PPFIA2: variants seen among roughly 807,000 people sequenced by gnomAD.
PPFIA2 encodes the protein liprin-alpha-2.
In PPFIA2, 46 loss-of-function variants were observed where a neutral mutation model predicts 175.5. The ratio of observed to expected loss-of-function variants is 0.26; its 90% CI spans 0.21 to 0.34. PPFIA2 has a LOEUF of 0.34. Ranked by LOEUF, PPFIA2 falls within the 10% of genes least tolerant of loss-of-function variation. The pLI is 1.00. For missense variants in PPFIA2, 1,179 were observed against 1,506.1 expected (o/e 0.78, Z 3.60); for synonymous variants, 568 against 511.4 (o/e 1.11, Z -1.49).
At chr12:81,475,781 C>A (rs1048192460) in intron 4 of PPFIA2, among the ~76,000 whole-genome samples, 2 of 152,158 alleles carry the variant, frequency 1.3e-5, no homozygotes, top group African/African-American at 4.8e-5. Context: ...GGCGCGATCT[C>A]GGCTCACTGC....
chr12:81,633,367 C>T (rs1263041001), intron 4 of PPFIA2, among the ~76,000 whole-genome samples: 1 of 151,984 alleles, frequency 6.6e-6, no homozygotes, highest in Non-Finnish European at 1.5e-5. Context: ...GTGCTAGGTA[C>T]AGGGTTGGGT....
At chr12:81,339,628 T>C (rs1312468831) in intron 20 of PPFIA2, among the ~76,000 whole-genome samples, 1 of 152,108 alleles carries the variant, frequency 6.6e-6, no homozygotes, top group Non-Finnish European at 1.5e-5. Flanking sequence ...ATTAACTGCA[T>C]GATAAATGGC....
chr12:81,509,390 T>C (rs144551557), intron 4 of PPFIA2, among the ~76,000 whole-genome samples: 14 of 152,270 alleles, frequency 9.2e-5, no homozygotes, highest in African/African-American at 2.9e-4. Context: ...CCTCTAACTT[T>C]TGGACTAAAA....
At chr12:81,365,438 A>T (rs188118275) in intron 14 of PPFIA2, among the ~76,000 whole-genome samples, 2 of 151,908 alleles carry the variant, frequency 1.3e-5, no homozygotes, top group Admixed American at 1.3e-4. Context: ...TTGCTTAGGC[A>T]GATTGTTGGA....
chr12:81,570,762 T>C (rs2072383125), intron 4 of PPFIA2, among the ~76,000 whole-genome samples: 2 of 150,048 alleles, frequency 1.3e-5, no homozygotes, highest in South Asian at 2.1e-4. Context: ...TAGGTAAAAA[T>C]TTATGTATTA....
intron 4 of PPFIA2, among the ~76,000 whole-genome samples, chr12:81,483,457 G>A (rs1462280458): frequency 6.6e-6 from 1 of 152,068 alleles, no homozygotes; most frequent in Non-Finnish European, 1.5e-5. Flanking sequence ...TTCAGTTACA[G>A]TATATGAAAT....
chr12:81,266,810 C>T, intron 30 of PPFIA2, 142 bp downstream of exon 30: 1 of 670,082 alleles, frequency 1.5e-6, no homozygotes, highest in South Asian at 1.8e-5. Context: ...GAATATTTAA[C>T]AACAAACCTG....
chr12:81,307,309 C>A (rs764961951), intron 22 of PPFIA2, among the ~76,000 whole-genome samples: 1 of 151,834 alleles, frequency 6.6e-6, no homozygotes, highest in African/African-American at 2.4e-5. Flanking sequence ...CCGTATCATG[C>A]ATCTTTCTCT....
intron 23 of PPFIA2, among the ~76,000 whole-genome samples, chr12:81,298,847 T>C (rs1276056896): frequency 6.6e-6 from 1 of 152,212 alleles, no homozygotes; most frequent in Non-Finnish European, 1.5e-5. Flanking sequence ...AGCTGGTCCA[T>C]AGGCTTTAGA....
intron 17 of PPFIA2, among the ~76,000 whole-genome samples, chr12:81,351,093 A>C (rs1014434252): frequency 6.6e-6 from 1 of 152,172 alleles, no homozygotes; most frequent in Non-Finnish European, 1.5e-5. Flanking sequence ...TTAAATTAAA[A>C]TAAAAGTATC....
intron 4 of PPFIA2, among the ~76,000 whole-genome samples, chr12:81,480,226 A>G (rs192898371): frequency 6.6e-6 from 1 of 151,818 alleles, no homozygotes; most frequent in Non-Finnish European, 1.5e-5. Flanking sequence ...TGTATGCTTC[A>G]TGAAGTACTC....
intron 2 of PPFIA2, among the ~76,000 whole-genome samples, 153 bp downstream of exon 2, chr12:81,758,247 G>A (rs1468995460): frequency 1.3e-5 from 2 of 151,484 alleles, no homozygotes; most frequent in African/African-American, 4.8e-5. Context: ...AGAGATAGGA[G>A]ATGGAGAGGA....
chr12:81,278,971 G>A (rs1267852673), intron 27 of PPFIA2, among the ~76,000 whole-genome samples: 1 of 152,146 alleles, frequency 6.6e-6, no homozygotes, highest in Non-Finnish European at 1.5e-5. Context: ...AAAGAAAATT[G>A]CATTAGGCAG....
At chr12:81,432,154 A>G (rs2048205068) in intron 7 of PPFIA2, among the ~76,000 whole-genome samples, 1 of 152,208 alleles carries the variant, frequency 6.6e-6, no homozygotes, top group Admixed American at 6.5e-5. Context: ...GTACTACTCA[A>G]TGGCATAAAG....
chr12:81,711,485 A>G (rs1425925128), intron 3 of PPFIA2, among the ~76,000 whole-genome samples: 3 of 151,366 alleles, frequency 2.0e-5, no homozygotes, highest in African/African-American at 7.2e-5. Flanking sequence ...CTATCTATCT[A>G]TGTAGTCATT....
intron 4 of PPFIA2, among the ~76,000 whole-genome samples, chr12:81,565,200 G>A (rs1036556337): frequency 2.0e-5 from 3 of 152,134 alleles, no homozygotes; most frequent in African/African-American, 7.2e-5. Context: ...ACCCTGTGCT[G>A]CCTGAGGCAA....
chr12:81,637,117 T>G (rs1324871181), intron 4 of PPFIA2, among the ~76,000 whole-genome samples: 2 of 151,654 alleles, frequency 1.3e-5, no homozygotes, highest in Non-Finnish European at 2.9e-5. Context: ...TTGCCCAGGC[T>G]GGAGTGCAAT....
chr12:81,272,324 T>C lies in PPFIA2; in HGVS notation c.3311-4237A>G, dbSNP rs551740408. On this transcript the variant is annotated intron_variant, in intron 28 of 32. Coordinates refer to ENST00000549396, the MANE Select transcript of PPFIA2 (RefSeq NM_003625.5). ...ATCTTTTCAAATATTGCTTCTTTCT[T>C]ATTGTCTCTTACCTCACCATGTCCA... Among the ~76,000 whole-genome samples, 13 of 152,276 alleles carry C rather than the reference T, an allele frequency of 8.5e-5. 1 individual carries two copies. In the South Asian group the frequency reaches 2.7e-3, roughly 32 times the overall value.
chr12:81,413,982 C>T (rs1481313935), intron 7 of PPFIA2, among the ~76,000 whole-genome samples: 1 of 151,462 alleles, frequency 6.6e-6, no homozygotes, highest in Non-Finnish European at 1.5e-5. Flanking sequence ...TATTACATGC[C>T]CCATATGAAA....
Sources: allele counts gnomAD v4.1 joint callset (sites outside exome capture counted in the v4.1 genomes callset), GRCh38; gene constraint gnomAD v4.1.1; transcripts MANE v1.5; gene names NCBI Gene and HGNC (gene_info 2026-07-23, HGNC 2026-07-21).